The following PIEZO2 variants were observed in gnomAD, a reference collection of about 807,000 sequenced individuals.
The protein encoded by PIEZO2 is piezo-type mechanosensitive ion channel component 2.
A neutral mutation model predicts 337.3 loss-of-function variants in PIEZO2; 172 were observed. That is an observed-to-expected ratio of 0.51 (90% CI 0.45 to 0.58). The LOEUF is 0.58. Ranked by LOEUF, PIEZO2 falls within the 20% of genes least tolerant of loss-of-function variation. PIEZO2 has a pLI of 0.00. For synonymous variants in PIEZO2, 1,251 were observed against 1,228.5 expected, an observed-to-expected ratio of 1.02 and a Z score of -0.38; for missense variants, 3,028 against 3,391.3, an observed-to-expected ratio of 0.89 and a Z score of 2.66.
At chr18:11,014,818 G>GC (rs55795921) in intron 2 of PIEZO2, among the ~76,000 whole-genome samples, 10 of 129,748 alleles carry the variant, frequency 7.7e-5, no homozygotes, top group East Asian at 2.6e-4. Flanking sequence ...GCGATCCGGG[G>GC]CCCCCTCATT....
chr18:11,147,819 G>A (rs1395069534), intron 1 of PIEZO2, among the ~76,000 whole-genome samples: 2 of 152,264 alleles, frequency 1.3e-5, no homozygotes, highest in Non-Finnish European at 2.9e-5. Flanking sequence ...CTCCCTTGCG[G>A]TCCTCCCTGG....
intron 7 of PIEZO2, among the ~76,000 whole-genome samples, chr18:10,820,981 G>A (rs1683393): frequency 0.41 from 62,374 of 151,930 alleles, 13,072 homozygotes; most frequent in African/African-American, 0.49. Flanking sequence ...TTCTTTCCCC[G>A]GGAGTTTTGC....
At position 10,705,520 on chromosome 18, in the gene PIEZO2, C is replaced by G; in HGVS notation, c.5815G>C (p.Glu1939Gln). 3.9e-6 allele frequency: 6 copies of G among 1,537,234 alleles called. No homozygotes were observed. The highest frequency in any genetic ancestry group is 5.2e-6 in the Non-Finnish European group (6 of 1,146,898). The change falls in exon 41 of 56, where the codon GAG becomes CAG. Residue 1939 changes from glutamate to glutamine, a missense_variant. Coordinates refer to ENST00000674853, the MANE Select transcript of PIEZO2 (RefSeq NM_001378183.1). Reference sequence around the variant, plus strand: ...GCCTTGCTGTAGGAGGGTGGGGCCTCCACATCCCCGTCCAAGGTGGAGAAC... The same window carrying G: ...GCCTTGCTGTAGGAGGGTGGGGCCTGCACATCCCCGTCCAAGGTGGAGAAC... ...TQFSTLDGDV[E>Q]APPSYSKAVS...
At chr18:10,811,093 T>C (rs1910619958) in intron 7 of PIEZO2, among the ~76,000 whole-genome samples, 1 of 152,212 alleles carries the variant, frequency 6.6e-6, no homozygotes, top group Non-Finnish European at 1.5e-5. Flanking sequence ...ATAGTTAATA[T>C]TCACCAATAC....
At chr18:10,844,788 CAAAAAA>C (rs10709952) in intron 7 of PIEZO2, among the ~76,000 whole-genome samples, 1 of 116,754 alleles carries the variant, frequency 8.6e-6, no homozygotes, top group Admixed American at 8.7e-5. Flanking sequence ...GACTCTGTCT[CAAAAAA>C]AAAAAAAAAA....
Position 10,726,360 on chromosome 18 carries a change from C to A in PIEZO2, c.5029+5047G>T. 4.0e-6 allele frequency: 6 copies of A among 1,509,340 alleles called. No individual in the cohort carries two copies. Among genetic ancestry groups the A allele is most frequent in the Non-Finnish European group, 5.3e-6 (6 of 1,134,980 alleles). 93.5% of individuals were successfully genotyped at this position (1,509,340 alleles called of 1,614,324 possible). On this transcript the variant is annotated intron_variant, in intron 36 of 55. Transcript: ENST00000674853. The surrounding 1 kb of genome is among the most constrained non-coding windows in gnomAD (Gnocchi z 5.9). ...CCCAGCGCTGCCTCCCTTCGCCTTCCCCGCAGGCACCCACTACCTGCGGGG... is the reference window on the plus strand; with the variant it reads ...CCCAGCGCTGCCTCCCTTCGCCTTCACCGCAGGCACCCACTACCTGCGGGG...
At chr18:10,725,362 A>G in intron 36 of PIEZO2, 1 of 1,605,878 alleles carries the variant, frequency 6.2e-7, no homozygotes. Context: ...CTGCTGTCCC[A>G]GGCGGTGATG....
intron 2 of PIEZO2, among the ~76,000 whole-genome samples, chr18:10,998,484 AT>A (rs2035414328): frequency 1.3e-5 from 2 of 152,108 alleles, no homozygotes. Flanking sequence ...AATTGAGGGT[AT>A]TATGTTGCCC....
At chr18:10,919,463 G>A (rs540086399) in intron 3 of PIEZO2, among the ~76,000 whole-genome samples, 4 of 151,970 alleles carry the variant, frequency 2.6e-5, no homozygotes, top group African/African-American at 4.8e-5. Flanking sequence ...ATCCAAATAC[G>A]TCAACTCAAG....
chr18:10,809,261 T>G (rs1482600745), intron 7 of PIEZO2, among the ~76,000 whole-genome samples: 2 of 36,740 alleles, frequency 5.4e-5, no homozygotes, highest in East Asian at 1.3e-3. Context: ...TCTCTCTCTC[T>G]TTTTTTTTTT....
chr18:11,062,247 C>A (rs1369268324), intron 2 of PIEZO2, among the ~76,000 whole-genome samples: 5 of 151,390 alleles, frequency 3.3e-5, no homozygotes, highest in South Asian at 2.1e-4. Flanking sequence ...ACACCTTATA[C>A]AAAAATTAAT....
chr18:10,992,484 C>T (rs574194200), intron 2 of PIEZO2, among the ~76,000 whole-genome samples: 1 of 152,284 alleles, frequency 6.6e-6, no homozygotes, highest in South Asian at 2.1e-4. Flanking sequence ...TTATTAAAGA[C>T]AGAATCCCTT....
rs368164505 is a variant in PIEZO2, at chr18:10,784,666, G to C, written c.2492+118C>G. On this transcript the variant is annotated intron_variant, in intron 17 of 55. Coordinates refer to ENST00000674853, the MANE Select transcript of PIEZO2 (RefSeq NM_001378183.1). This position sits in a 1 kb window ranked among gnomAD's most constrained non-coding sequence, Gnocchi z 4.5. ...TTTTTCTCACAAGCTGATACTCATGGAAAATTCAAGGCTGAAACTTTTAGA... is the reference window on the plus strand; with the variant it reads ...TTTTTCTCACAAGCTGATACTCATGCAAAATTCAAGGCTGAAACTTTTAGA... 4.9e-6 allele frequency: 5 copies of C among 1,018,412 alleles called. No homozygotes were observed. The highest frequency in any genetic ancestry group is 2.6e-5 in the East Asian group (1 of 37,912). 63.1% of individuals were successfully genotyped at this position (1,018,412 alleles called of 1,614,324 possible).
intron 39 of PIEZO2, among the ~76,000 whole-genome samples, chr18:10,714,120 T>C (rs1285625961): frequency 6.6e-6 from 1 of 152,164 alleles, no homozygotes; most frequent in African/African-American, 2.4e-5. Context: ...AATCTCCCTG[T>C]AACCGAATTC....
rs144813071 is a variant in PIEZO2, at chr18:10,935,748, G to A, written c.287-24520C>T. Reference sequence around the variant, plus strand: ...ATTCTGCTGCCAGTGGGCCGAGCATGCCACATTGTTCACTCCACCTTCTCT... The same window carrying A: ...ATTCTGCTGCCAGTGGGCCGAGCATACCACATTGTTCACTCCACCTTCTCT... On this transcript the variant is annotated intron_variant, in intron 3 of 55. Coordinates refer to ENST00000674853, the MANE Select transcript of PIEZO2 (RefSeq NM_001378183.1). Among the ~76,000 whole-genome samples the A allele has an allele frequency of 9.9e-5, 15 of 152,268 alleles. No homozygotes were observed. The East Asian group carries it at 2.5e-3, about 26-fold the overall frequency.
chr18:10,726,782 A>G lies in PIEZO2; in HGVS notation c.5029+4625T>C. 3.2e-6 allele frequency: 5 copies of G among 1,544,990 alleles called. No individual in the cohort carries two copies. Among genetic ancestry groups the G allele is most frequent in the South Asian group, 1.1e-5 (1 of 88,532 alleles). ...CTGACCTCACTGGGCAAGGTGTCCT[A>G]TGAGGATGTGGACCACCTGCGGCCC... On this transcript the variant is annotated intron_variant, in intron 36 of 55. Transcript: ENST00000674853. This position sits in a 1 kb window ranked among gnomAD's most constrained non-coding sequence, Gnocchi z 5.9.
At position 10,724,953 on chromosome 18, in the gene PIEZO2, C is replaced by T; in HGVS notation, c.5029+6454G>A. On this transcript the variant is annotated intron_variant, in intron 36 of 55. Transcript: ENST00000674853. This position sits in a 1 kb window ranked among gnomAD's most constrained non-coding sequence, Gnocchi z 5.8. ...GGCGATGGAACCCAGGTGGGCGCACCCTGCGGCCTGCAGCCTCCCTGCCTC... is the reference window on the plus strand; with the variant it reads ...GGCGATGGAACCCAGGTGGGCGCACTCTGCGGCCTGCAGCCTCCCTGCCTC... 1.3e-6 allele frequency: 2 copies of T among 1,588,410 alleles called. No homozygotes were observed. Among genetic ancestry groups the T allele is most frequent in the Non-Finnish European group, 1.7e-6 (2 of 1,162,168 alleles).
In PIEZO2 at chr18:11,083,555, G is replaced by A. The variant is rs140439236; in HGVS notation, c.65-17333C>T. 3.5e-4 allele frequency among the ~76,000 whole-genome samples: 53 copies of A among 152,318 alleles called. No individual in the cohort carries two copies. The Middle Eastern group carries it at 0.01, about 29-fold the overall frequency. On this transcript the variant is annotated intron_variant, in intron 1 of 55. Coordinates refer to ENST00000674853, the MANE Select transcript of PIEZO2 (RefSeq NM_001378183.1). This position sits in a 1 kb window ranked among gnomAD's most constrained non-coding sequence, Gnocchi z 4.4. ...CCACTCAGGTGGTGCCAGCCCTGCA[G>A]GGCACGGTGTGGGCTCTTCCTGTGG...
intron 1 of PIEZO2, among the ~76,000 whole-genome samples, chr18:11,085,531 T>G (rs1053444034): frequency 6.6e-6 from 1 of 152,204 alleles, no homozygotes; most frequent in African/African-American, 2.4e-5. Flanking sequence ...CAGCCCTTGC[T>G]ACATCCAACC....
Sources: gnomAD v4.1 joint callset for allele counts (sites outside exome capture counted in the v4.1 genomes callset) on GRCh38, gnomAD v4.1.1 for gene constraint, Gnocchi (gnomAD v3.1) non-coding constraint, MANE v1.5 for transcripts, NCBI Gene and HGNC (gene_info 2026-07-23, HGNC 2026-07-21) for gene names.